Variants in CALN1 observed in about 807,000 individuals in gnomAD.
CALN1 encodes the protein calcium-binding protein 8.
In CALN1, 17 loss-of-function variants were observed where a neutral mutation model predicts 30.6. That is an observed-to-expected ratio of 0.56 (90% CI 0.38 to 0.83). CALN1 has a LOEUF of 0.83. CALN1 is among the 40% of genes least tolerant of loss of function. The pLI is 0.00. For synonymous variants in CALN1, 156 were observed against 131.4 expected (o/e 1.19, Z -1.28); for missense variants, 291 against 354.9 (o/e 0.82, Z 1.45).
At chr7:71,864,301 G>A (rs1422242708) in intron 5 of CALN1, among the ~76,000 whole-genome samples, 1 of 152,152 alleles carries the variant, frequency 6.6e-6, no homozygotes, top group Non-Finnish European at 1.5e-5. Flanking sequence ...ATAGTACACT[G>A]GGTGGGCCTG....
chr7:72,370,134 A>G (rs1804138664), intron 2 of CALN1, among the ~76,000 whole-genome samples: 1 of 152,230 alleles, frequency 6.6e-6, no homozygotes, highest in Non-Finnish European at 1.5e-5. Context: ...AGAACTTGGT[A>G]CAGTCATTTT....
chr7:72,191,888 C>T (rs1210620091), intron 3 of CALN1, among the ~76,000 whole-genome samples: 1 of 152,158 alleles, frequency 6.6e-6, no homozygotes, highest in Non-Finnish European at 1.5e-5. Context: ...TAGGCTAGCA[C>T]CCGTTTCCTT....
intron 4 of CALN1, among the ~76,000 whole-genome samples, chr7:72,093,360 T>C (rs1806000853): frequency 6.6e-6 from 1 of 152,158 alleles, no homozygotes; most frequent in African/African-American, 2.4e-5. Context: ...CCAGCACGGT[T>C]TCTGCATTGA....
chr7:72,194,016 G>A (rs2521200), intron 3 of CALN1, among the ~76,000 whole-genome samples: 1,540 of 152,248 alleles, frequency 0.01, 24 homozygotes, highest in African/African-American at 0.035. Context: ...ACACTGCTCA[G>A]GTGATGGGTG....
intron 6 of CALN1, among the ~76,000 whole-genome samples, chr7:71,804,949 C>A (rs1787519734): frequency 6.6e-6 from 1 of 152,010 alleles, no homozygotes; most frequent in Non-Finnish European, 1.5e-5. Flanking sequence ...GAGCAAAACT[C>A]CATATAAAAA....
chr7:71,927,634 C>G (rs1294144250), intron 5 of CALN1, among the ~76,000 whole-genome samples: 1 of 152,100 alleles, frequency 6.6e-6, no homozygotes, highest in Non-Finnish European at 1.5e-5. Context: ...CAGAGAAGGT[C>G]CCTTTTTTAT....
intron 5 of CALN1, among the ~76,000 whole-genome samples, chr7:71,960,708 T>C (rs1381533474): frequency 6.6e-6 from 1 of 152,224 alleles, no homozygotes; most frequent in Non-Finnish European, 1.5e-5. Flanking sequence ...GAATGGCAGT[T>C]CTAATTTTAG....
intron 2 of CALN1, among the ~76,000 whole-genome samples, chr7:72,396,002 G>A (rs1002804779): frequency 6.6e-6 from 1 of 151,850 alleles, no homozygotes; most frequent in Non-Finnish European, 1.5e-5. Flanking sequence ...ACTGGCCATT[G>A]CTTGACATCG....
chr7:72,335,815 C>CGGT (rs1352019230), intron 2 of CALN1, among the ~76,000 whole-genome samples: 1 of 152,228 alleles, frequency 6.6e-6, no homozygotes, highest in Non-Finnish European at 1.5e-5. Flanking sequence ...CCGATCCCCT[C>CGGT]GGTGCACGCT....
intron 2 of CALN1, among the ~76,000 whole-genome samples, chr7:72,317,036 G>A (rs1400955020): frequency 6.9e-6 from 1 of 143,950 alleles, no homozygotes; most frequent in African/African-American, 2.6e-5. Flanking sequence ...AGAGGAGGAG[G>A]GAAGAGAGAG....
chr7:71,835,605 G>T (rs1789555270), intron 5 of CALN1, among the ~76,000 whole-genome samples: 1 of 152,106 alleles, frequency 6.6e-6, no homozygotes. Flanking sequence ...TGTTGCTTAT[G>T]AAATTTTAAT....
chr7:72,336,692 G>A (rs1462012171), intron 2 of CALN1: 6 of 985,340 alleles, frequency 6.1e-6, no homozygotes, highest in Admixed American at 1.2e-4. Flanking sequence ...GGGAGCCGGC[G>A]GCGGCACTCA....
intron 2 of CALN1, among the ~76,000 whole-genome samples, chr7:72,289,650 C>T (rs1387719417): frequency 6.6e-6 from 1 of 152,060 alleles, no homozygotes; most frequent in Non-Finnish European, 1.5e-5. Flanking sequence ...GAAGTATCTC[C>T]ACCACACACA....
chr7:71,821,716 A>G (rs891038732), intron 5 of CALN1, among the ~76,000 whole-genome samples: 4 of 152,016 alleles, frequency 2.6e-5, no homozygotes, highest in Non-Finnish European at 5.9e-5. Context: ...TGTCTTTTGG[A>G]AAAAAATCTA....
intron 5 of CALN1, among the ~76,000 whole-genome samples, chr7:71,836,790 G>A (rs1193722592): frequency 2.0e-5 from 3 of 151,510 alleles, no homozygotes; most frequent in Non-Finnish European, 4.4e-5. Context: ...GCTAATTTTT[G>A]TATTTTTAGT....
chr7:71,835,912 C>A (rs1463533188), intron 5 of CALN1, among the ~76,000 whole-genome samples: 14 of 152,154 alleles, frequency 9.2e-5, no homozygotes, highest in Admixed American at 9.2e-4. Context: ...TATTGCAAAG[C>A]AAATATGTAC....
intron 2 of CALN1, among the ~76,000 whole-genome samples, chr7:72,330,989 A>G (rs73702906): frequency 0.029 from 4,418 of 152,164 alleles, 194 homozygotes; most frequent in African/African-American, 0.099. Context: ...TTTCCCTCCT[A>G]TGGAAGACAA....
chr7:72,208,652 C>G (rs1354260335), intron 3 of CALN1, among the ~76,000 whole-genome samples: 1 of 152,126 alleles, frequency 6.6e-6, no homozygotes, highest in Admixed American at 6.5e-5. Flanking sequence ...TCCGTATTTT[C>G]CAGGGACTTT....
chr7:72,405,134 G>A (rs770408942), intron 1 of CALN1, among the ~76,000 whole-genome samples: 7 of 152,194 alleles, frequency 4.6e-5, no homozygotes, highest in Non-Finnish European at 1.0e-4. Flanking sequence ...CAGGAAGGGT[G>A]TTATGTCCTG....
Sources: gnomAD v4.1 joint callset for allele counts (sites outside exome capture counted in the v4.1 genomes callset) on GRCh38, gnomAD v4.1.1 for gene constraint, MANE v1.5 for transcripts, NCBI Gene and HGNC (gene_info 2026-07-23, HGNC 2026-07-21) for gene names.